GNG12: variants seen among roughly 807,000 people sequenced by gnomAD.
The protein encoded by GNG12 is guanine nucleotide-binding protein G(I)/G(S)/G(O) subunit gamma-12.
For synonymous variants in GNG12, 28 were observed against 29.7 expected (o/e 0.94, Z 0.19); for missense variants, 69 against 83.8 (o/e 0.82, Z 0.69).
At chr1:67,826,872 A>C (rs1647014083) in intron 1 of GNG12, among the ~76,000 whole-genome samples, 1 of 152,248 alleles carries the variant, frequency 6.6e-6, no homozygotes, top group South Asian at 2.1e-4. Flanking sequence ...AATTTGAGGT[A>C]ACTGCAAGCT....
intron 2 of GNG12, among the ~76,000 whole-genome samples, chr1:67,730,864 C>T (rs952357471): frequency 5.9e-5 from 9 of 152,096 alleles, no homozygotes; most frequent in African/African-American, 1.9e-4. Flanking sequence ...TTTCAGAGTA[C>T]TTTTTCTCTT....
intron 1 of GNG12, among the ~76,000 whole-genome samples, chr1:67,788,128 C>A (rs1437366765): frequency 3.9e-5 from 6 of 152,158 alleles, no homozygotes; most frequent in Non-Finnish European, 2.9e-5. Flanking sequence ...CTCAAAGGCT[C>A]CTATATAATT....
In GNG12 at chr1:67,707,799, T is replaced by C. The variant is rs983981772; in HGVS notation, c.-26-87A>G. 8 of 671,248 alleles carry C rather than the reference T, an allele frequency of 1.2e-5. No homozygotes were observed. In the African/African-American group the frequency reaches 1.3e-4, roughly 11 times the overall value. The allele number at this position is 671,248 out of a possible 1,614,324, so 41.6% of individuals were successfully genotyped here. On this transcript the variant is annotated intron_variant, in intron 2 of 3. Coordinates refer to ENST00000370982, the MANE Select transcript of GNG12 (RefSeq NM_018841.6). ...ATAATATGTTCTACTTAAAGGGAAA[T>C]AGATGGATTTTCCTAGTCATCACAG... is the stretch of plus-strand genomic sequence containing the variant.
intron 2 of GNG12, among the ~76,000 whole-genome samples, chr1:67,773,070 T>A (rs536929125): frequency 6.6e-5 from 10 of 152,276 alleles, no homozygotes; most frequent in Admixed American, 5.2e-4. Flanking sequence ...ATCATATAAG[T>A]CAAGAGACTA....
At position 67,769,670 on chromosome 1, in the gene GNG12, C is replaced by A. The variant is rs750186077; in HGVS notation, c.-27+7788G>T. Among the ~76,000 whole-genome samples, 14 of 152,312 alleles carry A rather than the reference C, an allele frequency of 9.2e-5. No homozygotes were observed. In the South Asian group the frequency reaches 2.9e-3, roughly 32 times the overall value. On this transcript the variant is annotated intron_variant, in intron 2 of 3. Transcript: ENST00000370982. ...CAGGTAGAGGAAACCCACCCAGATACACAGGTCAAAAGTTTCCCTGTGGGC... is the reference window on the plus strand; with the variant it reads ...CAGGTAGAGGAAACCCACCCAGATAAACAGGTCAAAAGTTTCCCTGTGGGC...
At chr1:67,776,217 A>T (rs1044033031) in intron 2 of GNG12, among the ~76,000 whole-genome samples, 9 of 152,182 alleles carry the variant, frequency 5.9e-5, no homozygotes, top group African/African-American at 1.9e-4. Flanking sequence ...AAGATTTGAC[A>T]GTGCTGGCAG....
chr1:67,714,763 T>A (rs1021149454), intron 2 of GNG12, among the ~76,000 whole-genome samples: 6 of 152,176 alleles, frequency 3.9e-5, no homozygotes, highest in African/African-American at 1.4e-4. Flanking sequence ...ATTCAGAACA[T>A]GACTGTACTC....
At chr1:67,788,151 C>T (rs543076302) in intron 1 of GNG12, among the ~76,000 whole-genome samples, 5 of 152,262 alleles carry the variant, frequency 3.3e-5, no homozygotes, top group South Asian at 2.1e-4. Context: ...CCATAATTTA[C>T]ACTGAATAAT....
At chr1:67,826,483 C>T (rs191576253) in intron 1 of GNG12, among the ~76,000 whole-genome samples, 2 of 152,348 alleles carry the variant, frequency 1.3e-5, no homozygotes, top group East Asian at 3.8e-4. Flanking sequence ...GGCCAGACAT[C>T]CAACCCTCCC....
chr1:67,747,464 C>A (rs571821130), intron 2 of GNG12, among the ~76,000 whole-genome samples: 8 of 152,298 alleles, frequency 5.3e-5, no homozygotes, highest in African/African-American at 1.9e-4. Context: ...ACTGTATCAT[C>A]TTTGGAGTAA....
intron 2 of GNG12, among the ~76,000 whole-genome samples, chr1:67,745,137 A>C (rs1646501080): frequency 6.6e-6 from 1 of 152,242 alleles, no homozygotes; most frequent in Non-Finnish European, 1.5e-5. Context: ...GTGTGAAATA[A>C]ATAAAAATGT....
At chr1:67,721,138 G>GA (rs1646353999) in intron 2 of GNG12, among the ~76,000 whole-genome samples, 1 of 152,008 alleles carries the variant, frequency 6.6e-6, no homozygotes, top group Admixed American at 6.6e-5. Context: ...GGAAGCAGAA[G>GA]AAAAAAATTC....
At chr1:67,819,231 G>C (rs1382709620) in intron 1 of GNG12, among the ~76,000 whole-genome samples, 3 of 152,084 alleles carry the variant, frequency 2.0e-5, no homozygotes, top group African/African-American at 4.8e-5. Flanking sequence ...ATGACTCAAG[G>C]GTTCAGAGCT....
chr1:67,729,663 G>T (rs147231590), intron 2 of GNG12, among the ~76,000 whole-genome samples: 182 of 152,216 alleles, frequency 1.2e-3, no homozygotes, highest in African/African-American at 4.4e-3. Context: ...TCAGACTGTT[G>T]GCAAAAGCAA....
chr1:67,726,895 T>C (rs1443350954), intron 2 of GNG12, among the ~76,000 whole-genome samples: 1 of 152,206 alleles, frequency 6.6e-6, no homozygotes, highest in Non-Finnish European at 1.5e-5. Context: ...GGTTTCAGGC[T>C]ACCCACTACC....
chr1:67,712,373 T>A (rs924002608), intron 2 of GNG12, among the ~76,000 whole-genome samples: 1 of 152,196 alleles, frequency 6.6e-6, no homozygotes, highest in African/African-American at 2.4e-5. Flanking sequence ...GATGAGGCAA[T>A]CAAAGTTAGA....
chr1:67,740,699 C>A (rs1488325069), intron 2 of GNG12, among the ~76,000 whole-genome samples: 3 of 152,206 alleles, frequency 2.0e-5, no homozygotes, highest in Admixed American at 2.0e-4. Context: ...GTGATTAGAT[C>A]ATGAGGGTGG....
intron 2 of GNG12, chr1:67,772,589 T>C (rs1216778773): frequency 6.6e-6 from 1 of 152,208 alleles, no homozygotes; most frequent in African/African-American, 2.4e-5. Context: ...TATTACATAA[T>C]GTGGGGAGTC....
intron 2 of GNG12, among the ~76,000 whole-genome samples, chr1:67,748,616 T>C (rs994051731): frequency 1.3e-5 from 2 of 152,182 alleles, no homozygotes; most frequent in Admixed American, 6.5e-5. Context: ...ATAATTAACA[T>C]GCACTGCCAT....
Sources: gnomAD v4.1 joint callset for allele counts (sites outside exome capture counted in the v4.1 genomes callset) on GRCh38, gnomAD v4.1.1 for gene constraint, MANE v1.5 for transcripts, NCBI Gene and HGNC (gene_info 2026-07-23, HGNC 2026-07-21) for gene names.